The following CCDC15 variants were observed in gnomAD, a reference collection of about 807,000 sequenced individuals.
CCDC15 encodes the protein coiled-coil domain containing 15.
In CCDC15, 105 loss-of-function variants were observed where a neutral mutation model predicts 114.5. That is an observed-to-expected ratio of 0.92 (90% CI 0.78 to 1.08). The LOEUF is 1.08. CCDC15 is among the 50% of genes least tolerant of loss of function. CCDC15 has a pLI of 0.00. For synonymous variants in CCDC15, 334 were observed against 377.8 expected (o/e 0.88, Z 1.34); for missense variants, 1,105 against 1,093.6 (o/e 1.01, Z -0.15).
intron 11 of CCDC15, among the ~76,000 whole-genome samples, chr11:125,000,589 G>A (rs1948463860): frequency 6.6e-6 from 1 of 152,126 alleles, no homozygotes; most frequent in Non-Finnish European, 1.5e-5. Flanking sequence ...TTTCTTTATT[G>A]AAAACAGAAA....
Position 125,013,758 on chromosome 11 carries a change from A to G in CCDC15, c.2411+8546A>G, listed in dbSNP as rs889384833. Among the ~76,000 whole-genome samples, 13 of 152,182 alleles carry G rather than the reference A, an allele frequency of 8.5e-5. 1 individual carries two copies. The highest frequency in any genetic ancestry group is 2.6e-4 in the Admixed American group (4 of 15,270). ...CAGCTTCAGGAGCATGTGAAATATT[A>G]AGGGAGGTCTGATTTATATGCATGT... On this transcript the variant is annotated intron_variant, in intron 13 of 15. Transcript: ENST00000344762.
At chr11:125,000,975 G>A (rs994399691) in intron 11 of CCDC15, among the ~76,000 whole-genome samples, 15 of 151,996 alleles carry the variant, frequency 9.9e-5, no homozygotes, top group Non-Finnish European at 1.0e-4. Flanking sequence ...TGATTGATCC[G>A]TTAACATGAA....
chr11:124,961,625 A>G (rs1947658730), intron 4 of CCDC15, among the ~76,000 whole-genome samples: 1 of 152,070 alleles, frequency 6.6e-6, no homozygotes, highest in Non-Finnish European at 1.5e-5. Flanking sequence ...GTTCAAGAGA[A>G]TCTCCTGATT....
At chr11:125,006,332 C>G (rs1203070501) in intron 13 of CCDC15, among the ~76,000 whole-genome samples, 2 of 152,308 alleles carry the variant, frequency 1.3e-5, no homozygotes, top group East Asian at 3.9e-4. Context: ...AGCACCTTTT[C>G]ACATGCTTAT....
rs755977582 is a variant in CCDC15, at chr11:124,977,559, C to G, written c.712C>G (p.Leu238Val). ...GTTGCCCATTAAGGTCCATCAAGGT[C>G]TTTTAGCTGCTGTACCTTACCAGAA... ...GELPIKVHQG[L>V]LAAVPYQNYM... The change falls in exon 6 of 16, where the codon CTT (leucine) becomes GTT (valine). Residue 238 changes from leucine to valine, a missense_variant. Leu to Val is a conservative substitution (Grantham distance 32). Transcript: ENST00000344762. 1 of 1,609,002 alleles carries G rather than the reference C, an allele frequency of 6.2e-7. No homozygotes were observed. The highest frequency in any genetic ancestry group is 8.5e-7 in the Non-Finnish European group (1 of 1,177,478).
Position 125,040,661 on chromosome 11 carries a change from G to T in CCDC15, c.2806G>T (p.Ala936Ser), listed in dbSNP as rs777075138. The change falls in exon 16 of 16, where the codon GCA becomes TCA. Residue 936 changes from alanine to serine, a missense_variant. Transcript: ENST00000344762. ...TGGGGGTAATTCAACTCTTCGAGTC[G>T]CAATTCATAATTTTGCTTCTGCACA... is the stretch of plus-strand genomic sequence containing the variant. ...VPGGNSTLRV[A>S]IHNFASAHRR... is the part of the protein sequence containing the mutation. The T allele has an allele frequency of 6.2e-7, 1 of 1,611,578 alleles. No individual in the cohort carries two copies. Among genetic ancestry groups the T allele is most frequent in the African/African-American group, 1.3e-5 (1 of 74,930 alleles).
chr11:125,036,563 C>T (rs1182085304), intron 13 of CCDC15, among the ~76,000 whole-genome samples: 1 of 152,128 alleles, frequency 6.6e-6, no homozygotes, highest in Non-Finnish European at 1.5e-5. Flanking sequence ...TTTCTACCCT[C>T]ATCTTTCGAT....
intron 4 of CCDC15, among the ~76,000 whole-genome samples, chr11:124,974,282 A>G (rs1482311960): frequency 6.6e-6 from 1 of 152,194 alleles, no homozygotes; most frequent in African/African-American, 2.4e-5. Context: ...CGGCTGGCCT[A>G]CAGTGCTTAT....
At chr11:125,032,882 A>G (rs748308014) in intron 13 of CCDC15, among the ~76,000 whole-genome samples, 57 of 152,280 alleles carry the variant, frequency 3.7e-4, no homozygotes, top group East Asian at 9.7e-4. Flanking sequence ...GAGGACCACA[A>G]TGATGTTTTG....
rs374364767 is a variant in CCDC15, at chr11:125,040,677, C to G, written c.2822C>G (p.Ala941Gly). 2.4e-5 allele frequency: 39 copies of G among 1,612,118 alleles called. No homozygotes were observed. The highest frequency in any genetic ancestry group is 3.0e-5 in the Non-Finnish European group (35 of 1,179,006). Reference protein sequence around the residue: ...STLRVAIHNFASAHRRTLKNL With the variant: ...STLRVAIHNFGSAHRRTLKNL ...CTTCGAGTCGCAATTCATAATTTTG[C>G]TTCTGCACACAGGCGGACTTTGAAA... The change falls in exon 16 of 16, where the codon GCT becomes GGT. Residue 941 changes from alanine to glycine, a missense_variant. Ala to Gly is a moderately conservative substitution (Grantham distance 60). Transcript: ENST00000344762.
At chr11:125,015,993 T>A (rs1486518302) in intron 13 of CCDC15, among the ~76,000 whole-genome samples, 2 of 152,198 alleles carry the variant, frequency 1.3e-5, no homozygotes, top group Admixed American at 6.5e-5. Context: ...GCAACAGCAA[T>A]CATACAATGA....
At position 124,988,117 on chromosome 11, in the gene CCDC15, T is replaced by A. The variant is rs781396051; in HGVS notation, c.1891T>A (p.Phe631Ile). The change falls in exon 8 of 16, where the codon TTT (phenylalanine) becomes ATT (isoleucine). Residue 631 changes from phenylalanine (F) to isoleucine (I), a missense_variant. Physicochemically the swap from Phe to Ile is conservative, Grantham distance 21 (BLOSUM62 0). Coordinates refer to ENST00000344762, the MANE Select transcript of CCDC15 (RefSeq NM_025004.3). ...TCTACCCAAATGTCAGGACCAAGAT[T>A]TTCTACCAAAATATCAGGTAAAATA... is the stretch of plus-strand genomic sequence containing the variant. The part of the protein sequence containing the change: ...NILPKCQDQD[F>I]LPKYQKVHFK... The A allele has an allele frequency of 6.2e-6, 10 of 1,610,874 alleles. No individual in the cohort carries two copies. In the Admixed American group the frequency reaches 8.4e-5, roughly 14 times the overall value.
chr11:125,040,034 GT>G (rs1265964837), intron 15 of CCDC15, among the ~76,000 whole-genome samples: 1 of 149,592 alleles, frequency 6.7e-6, no homozygotes, highest in African/African-American at 2.5e-5. Context: ...TGTTGTTGTT[GT>G]TTGTTTTTTT....
rs931889136 is a variant in CCDC15 at position 125,018,987 on chromosome 11, C to T, written c.2411+13775C>T. ...CAGTGCTTCATGAAAGAATGTGACA[C>T]CTCTGAATTTGATGTGATTGGAGCT... is the stretch of plus-strand genomic sequence containing the variant. On this transcript the variant is annotated intron_variant, in intron 13 of 15. Coordinates refer to ENST00000344762, the MANE Select transcript of CCDC15 (RefSeq NM_025004.3). Among the ~76,000 whole-genome samples the T allele has an allele frequency of 7.9e-5, 12 of 151,868 alleles. 1 individual carries two copies. The highest frequency in any genetic ancestry group is 7.2e-4 in the Admixed American group (11 of 15,210).
intron 13 of CCDC15, among the ~76,000 whole-genome samples, chr11:125,011,745 C>T (rs1948594711): frequency 6.6e-6 from 1 of 151,828 alleles, no homozygotes; most frequent in African/African-American, 2.4e-5. Flanking sequence ...ATGTACCTTA[C>T]ATCTAAGTAT....
chr11:125,010,368 G>T (rs1215952091), intron 13 of CCDC15, among the ~76,000 whole-genome samples: 5 of 148,482 alleles, frequency 3.4e-5, no homozygotes, highest in African/African-American at 1.2e-4. Context: ...GTTGTTTTTT[G>T]CTTTGCCTGG....
chr11:124,991,726 C>T, intron 9 of CCDC15, 143 bp downstream of exon 9: 1 of 720,614 alleles, frequency 1.4e-6, no homozygotes, highest in East Asian at 2.9e-5. Context: ...CTCTGTCGCC[C>T]AGGCTGGAGT....
chr11:124,996,469 GTATGCATCCTT>G (rs903492326), intron 11 of CCDC15, among the ~76,000 whole-genome samples: 1 of 152,180 alleles, frequency 6.6e-6, no homozygotes, highest in Non-Finnish European at 1.5e-5. Context: ...GTCAAGAGTT[GTATGCATCCTT>G]TGAGTCCTCT....
At chr11:124,961,286 G>A (rs1346104903) in intron 4 of CCDC15, among the ~76,000 whole-genome samples, 2 of 152,118 alleles carry the variant, frequency 1.3e-5, no homozygotes, top group African/African-American at 4.8e-5. Flanking sequence ...TGTTTGTTAT[G>A]GATTGTAGCG....
Sources: gnomAD v4.1 joint callset for allele counts (sites outside exome capture counted in the v4.1 genomes callset) on GRCh38, gnomAD v4.1.1 for gene constraint, MANE v1.5 for transcripts, NCBI Gene and HGNC (gene_info 2026-07-23, HGNC 2026-07-21) for gene names.